PRKCQ: variants seen among roughly 807,000 people sequenced by gnomAD.
The protein encoded by PRKCQ is protein kinase C theta, also known as protein kinase C theta type.
A neutral mutation model predicts 91.2 loss-of-function variants in PRKCQ; 41 were observed. The observed-to-expected ratio is 0.45, with a 90% CI of 0.35 to 0.58. The LOEUF is 0.58. Ranked by LOEUF, PRKCQ falls within the 20% of genes least tolerant of loss-of-function variation. PRKCQ has a pLI of 0.00. For missense variants in PRKCQ, 673 were observed against 896.5 expected, an observed-to-expected ratio of 0.75 and a Z score of 3.18; for synonymous variants, 307 against 316.9, an observed-to-expected ratio of 0.97 and a Z score of 0.33.
chr10:6,535,734 C>T (rs1046907588), intron 1 of PRKCQ, among the ~76,000 whole-genome samples: 5 of 152,152 alleles, frequency 3.3e-5, no homozygotes, highest in African/African-American at 9.7e-5. Context: ...GAAGTCTCCC[C>T]TCGCCGCGCC....
chr10:6,523,851 A>G (rs1447161060), intron 1 of PRKCQ, among the ~76,000 whole-genome samples: 1 of 152,190 alleles, frequency 6.6e-6, no homozygotes, highest in African/African-American at 2.4e-5. Flanking sequence ...CTGTTATTTA[A>G]AAGCCTCCGT....
rs989849181 is a variant in PRKCQ at position 6,430,339 on chromosome 10, C to A, written c.1965+471G>T. Reference sequence around the variant, plus strand: ...CTCCCTTAAACCAAAGAACACCTAACAATTACCCTTAGGAAATGTCGTTAT... The same window carrying A: ...CTCCCTTAAACCAAAGAACACCTAAAAATTACCCTTAGGAAATGTCGTTAT... On this transcript the variant is annotated intron_variant, in intron 17 of 17. Transcript: ENST00000263125. The surrounding 1 kb of genome is among the most constrained non-coding windows in gnomAD (Gnocchi z 4.7). Among the ~76,000 whole-genome samples the A allele has an allele frequency of 6.6e-6, 1 of 152,202 alleles. No individual in the cohort carries two copies. Among genetic ancestry groups the A allele is most frequent in the African/African-American group, 2.4e-5 (1 of 41,438 alleles).
At chr10:6,453,491 C>T (rs1834826433) in intron 15 of PRKCQ, among the ~76,000 whole-genome samples, 1 of 152,214 alleles carries the variant, frequency 6.6e-6, no homozygotes, top group African/African-American at 2.4e-5. Context: ...ACTAGTTCAA[C>T]CATTGTGGAA....
chr10:6,563,476 C>A (rs1840710960), intron 1 of PRKCQ, among the ~76,000 whole-genome samples: 1 of 152,160 alleles, frequency 6.6e-6, no homozygotes, highest in Non-Finnish European at 1.5e-5. Flanking sequence ...AGCCCCTCAC[C>A]ATGACACATG....
At chr10:6,422,869 C>T (rs566915570), downstream of PRKCQ, among the ~76,000 whole-genome samples, 4 of 152,350 alleles carry the variant, frequency 2.6e-5, no homozygotes, top group South Asian at 2.1e-4. Context: ...TCATTGATCA[C>T]TGTGGTCACT....
At chr10:6,416,010 G>A in the PRKCQ span, among the ~76,000 whole-genome samples, 118,071 of 151,858 alleles carry the variant, frequency 0.78, 49,613 homozygotes, top group Non-Finnish European at 0.92. Flanking sequence ...ACCTCTCAAA[G>A]TGCTGGGATT....
chr10:6,413,478 A>T, the PRKCQ span, among the ~76,000 whole-genome samples: 15 of 1,566 alleles, frequency 9.6e-3, no homozygotes, highest in Admixed American at 0.13. Flanking sequence ...ATTATGTCAC[A>T]CACACACACA....
intron 16 of PRKCQ, among the ~76,000 whole-genome samples, chr10:6,440,939 G>C (rs1833940233): frequency 1.3e-5 from 2 of 152,190 alleles, no homozygotes; most frequent in Non-Finnish European, 2.9e-5. Context: ...AGTGAGCCAA[G>C]ATCATGCCAC....
intron 12 of PRKCQ, among the ~76,000 whole-genome samples, chr10:6,471,566 A>G (rs557369755): frequency 6.6e-6 from 1 of 151,720 alleles, no homozygotes; most frequent in East Asian, 1.9e-4. Flanking sequence ...AACATGGTGA[A>G]ACCCCATCTC....
intron 15 of PRKCQ, among the ~76,000 whole-genome samples, chr10:6,446,555 G>A (rs1453450063): frequency 3.3e-5 from 5 of 151,746 alleles, no homozygotes; most frequent in African/African-American, 9.7e-5. Context: ...TAGTAGAGAC[G>A]GGGTTTCACC....
At chr10:6,399,259 G>A in the PRKCQ span, among the ~76,000 whole-genome samples, 12 of 152,198 alleles carry the variant, frequency 7.9e-5, no homozygotes, top group African/African-American at 1.9e-4. Context: ...AATATTCACC[G>A]TGATTTACTT....
chr10:6,521,896 T>A (rs974940742), intron 1 of PRKCQ, among the ~76,000 whole-genome samples: 4 of 132,428 alleles, frequency 3.0e-5, no homozygotes, highest in African/African-American at 1.2e-4. Flanking sequence ...TACTATGTTA[T>A]GTTATGTGAT....
intron 16 of PRKCQ, among the ~76,000 whole-genome samples, chr10:6,433,163 C>A (rs1417523427): frequency 6.6e-6 from 1 of 152,206 alleles, no homozygotes; most frequent in African/African-American, 2.4e-5. Context: ...CAAACAAATT[C>A]TAAGAGAAAC....
Position 6,428,077 on chromosome 10 carries a change from G to T in PRKCQ, c.*130C>A. On this transcript the variant is annotated 3_prime_UTR_variant, in exon 18 of 18. Coordinates refer to ENST00000263125, the MANE Select transcript of PRKCQ (RefSeq NM_006257.5). ...CTACAGATAAAAGTCACATGGGGGC[G>T]AACGGGTCTCAGTCTTTATTGTTGA... The T allele has an allele frequency of 4.2e-6, 5 of 1,180,796 alleles. No individual in the cohort carries two copies. The highest frequency in any genetic ancestry group is 2.3e-5 in the Admixed American group (1 of 43,260). 73.1% of individuals were successfully genotyped at this position (1,180,796 alleles called of 1,614,324 possible).
intron 4 of PRKCQ, among the ~76,000 whole-genome samples, chr10:6,505,788 G>A (rs1232829177): frequency 1.3e-5 from 2 of 152,104 alleles, no homozygotes; most frequent in East Asian, 3.9e-4. Flanking sequence ...TGGGACTACA[G>A]GCACGCACCA....
rs191326924 is a variant in PRKCQ at position 6,434,584 on chromosome 10, C to A, written c.1837-3646G>T. Among the ~76,000 whole-genome samples, 480 of 152,280 alleles carry A rather than the reference C, an allele frequency of 3.2e-3. 1 individual carries two copies. Among genetic ancestry groups the A allele is most frequent in the Admixed American group, 5.5e-3 (84 of 15,292 alleles). On this transcript the variant is annotated intron_variant, in intron 16 of 17. Transcript: ENST00000263125. ...GAAGCTCCGCCCCTGGAAAGCTGCA[C>A]TGAGGAAATAAAATACCTGAAGACT...
At chr10:6,439,320 C>T (rs142010212) in intron 16 of PRKCQ, among the ~76,000 whole-genome samples, 13 of 152,268 alleles carry the variant, frequency 8.5e-5, no homozygotes, top group Admixed American at 3.3e-4. Flanking sequence ...TGGTAATAGC[C>T]TGTACTCTCA....
At position 6,442,019 on chromosome 10, in the gene PRKCQ, A is replaced by G. The variant is rs907277598; in HGVS notation, c.1710T>C (p.Tyr570=). 2.2e-5 allele frequency: 36 copies of G among 1,614,082 alleles called. No homozygotes were observed. Among genetic ancestry groups the G allele is most frequent in the Admixed American group, 5.0e-5 (3 of 60,012 alleles). Residue 570 remains tyrosine (Y), a synonymous_variant, in exon 16 of 18, where the codon TAT becomes TAC. Coordinates refer to ENST00000263125, the MANE Select transcript of PRKCQ (RefSeq NM_006257.5). ...VDWWSFGVLL[Y]EMLIGQSPFH... ...AAGGCGACTGACCAATCAGCATTTCATAAAGGAGAACCCCGAAGGACCACC... is the reference window on the plus strand; with the variant it reads ...AAGGCGACTGACCAATCAGCATTTCGTAAAGGAGAACCCCGAAGGACCACC...
chr10:6,399,186 CAT>C, the PRKCQ span, among the ~76,000 whole-genome samples: 4 of 152,166 alleles, frequency 2.6e-5, no homozygotes, highest in African/African-American at 9.7e-5. Context: ...GGGTGAAAGC[CAT>C]AGTGTCCCCA....
Sources: allele counts gnomAD v4.1 joint callset (sites outside exome capture counted in the v4.1 genomes callset), GRCh38; gene constraint gnomAD v4.1.1; non-coding constraint Gnocchi (gnomAD v3.1); transcripts MANE v1.5; gene names NCBI Gene and HGNC (gene_info 2026-07-23, HGNC 2026-07-21).